Variants in NEK7 observed in about 807,000 individuals in gnomAD.
NEK7 encodes the protein NIMA related kinase 7, also known as serine/threonine-protein kinase Nek7.
In NEK7, 18 loss-of-function variants were observed where a neutral mutation model predicts 44.6. The observed-to-expected ratio is 0.40, with a 90% CI of 0.28 to 0.60. The LOEUF (loss-of-function observed/expected upper bound fraction) is 0.60. NEK7 is among the 20% of genes least tolerant of loss of function. The pLI is 0.38. For synonymous variants in NEK7, 130 were observed against 121.1 expected (o/e 1.07, Z -0.48); for missense variants, 256 against 366.5 (o/e 0.70, Z 2.46).
chr1:198,159,465 T>C (rs1309732291), intron 1 of NEK7, among the ~76,000 whole-genome samples: 1 of 152,194 alleles, frequency 6.6e-6, no homozygotes, highest in Non-Finnish European at 1.5e-5. Flanking sequence ...TCCATGTGAC[T>C]GAGGCGGGTT....
chr1:198,180,032 A>G (rs955490252), intron 1 of NEK7, among the ~76,000 whole-genome samples: 1 of 152,158 alleles, frequency 6.6e-6, no homozygotes, highest in African/African-American at 2.4e-5. Context: ...TTGAGAAGAT[A>G]TCTGTGGAAA....
At chr1:198,228,794 A>G (rs1470205737) in intron 1 of NEK7, among the ~76,000 whole-genome samples, 2 of 152,208 alleles carry the variant, frequency 1.3e-5, no homozygotes, top group Non-Finnish European at 2.9e-5. Flanking sequence ...TTCTAGATAT[A>G]CAATCATGTC....
At chr1:198,194,930 C>T (rs180801137) in intron 1 of NEK7, among the ~76,000 whole-genome samples, 261 of 152,214 alleles carry the variant, frequency 1.7e-3, no homozygotes, top group Middle Eastern at 6.8e-3. Flanking sequence ...ACACTTCCAC[C>T]GACAGTGTAT....
chr1:198,267,444 T>G (rs1653691412), intron 5 of NEK7, among the ~76,000 whole-genome samples: 1 of 152,062 alleles, frequency 6.6e-6, no homozygotes, highest in South Asian at 2.1e-4. Flanking sequence ...TTATTTTATT[T>G]ATTTAATTAA....
chr1:198,163,091 T>G (rs1249178883), intron 1 of NEK7, among the ~76,000 whole-genome samples: 1 of 152,194 alleles, frequency 6.6e-6, no homozygotes, highest in Non-Finnish European at 1.5e-5. Flanking sequence ...CCTTATATTA[T>G]GGTTGGAAAA....
At position 198,319,792 on chromosome 1, in the gene NEK7, A is replaced by G. The variant is rs1463559592; in HGVS notation, c.*270A>G. The stretch of plus-strand genomic sequence containing the variant: ...TGGCTAAAGGTTTATAGAATTTCTT[A>G]CAGTTTTCTGCTGATAAATTGTGTT... On this transcript the variant is annotated 3_prime_UTR_variant, in exon 10 of 10. Transcript: ENST00000367385. The G allele has an allele frequency of 1.8e-5, 5 of 277,436 alleles. No homozygotes were observed. The highest frequency in any genetic ancestry group is 3.4e-5 in the Non-Finnish European group (5 of 147,140). 17.2% of individuals were successfully genotyped at this position (277,436 alleles called of 1,614,324 possible). A position where few individuals can be genotyped will look rare whatever the true frequency, so the allele number is the denominator to read the frequency against.
At chr1:198,314,754 G>A (rs1156781991) in intron 9 of NEK7, among the ~76,000 whole-genome samples, 5 of 152,208 alleles carry the variant, frequency 3.3e-5, no homozygotes, top group Non-Finnish European at 7.3e-5. Context: ...CAGGGGTCAG[G>A]GGTCAGAGAC....
Position 198,316,116 on chromosome 1 carries a change from C to T in NEK7, c.799-3296C>T, listed in dbSNP as rs547973774. On this transcript the variant is annotated intron_variant, in intron 9 of 9. Coordinates refer to ENST00000367385, the MANE Select transcript of NEK7 (RefSeq NM_133494.3). ...ACGTCAGGGAAGAGAAGGTCTAGGC[C>T]GGAATTGAATGATGTAAATCCAAAA... Among the ~76,000 whole-genome samples the T allele has an allele frequency of 2.1e-4, 32 of 152,142 alleles. No individual in the cohort carries two copies. The South Asian group carries it at 3.7e-3, about 18-fold the overall frequency.
At chr1:198,274,695 T>A (rs1653962712) in intron 5 of NEK7, among the ~76,000 whole-genome samples, 1 of 151,730 alleles carries the variant, frequency 6.6e-6, no homozygotes, top group East Asian at 1.9e-4. Context: ...CTACTTGGAG[T>A]TGTAATGTCT....
intron 9 of NEK7, among the ~76,000 whole-genome samples, chr1:198,305,490 T>TG (rs1349782824): frequency 2.0e-5 from 3 of 151,766 alleles, no homozygotes; most frequent in African/African-American, 7.3e-5. Flanking sequence ...ATTTGATATC[T>TG]GGAAAAAAAA....
intron 7 of NEK7, among the ~76,000 whole-genome samples, chr1:198,289,872 T>G (rs1443289983): frequency 6.6e-6 from 1 of 152,174 alleles, no homozygotes; most frequent in African/African-American, 2.4e-5. Context: ...ATTTATTGTT[T>G]ATGGAGTATA....
chr1:198,286,701 T>C (rs1274947346), intron 7 of NEK7, among the ~76,000 whole-genome samples: 1 of 152,204 alleles, frequency 6.6e-6, no homozygotes, highest in African/African-American at 2.4e-5. Flanking sequence ...ATCTGTAGGA[T>C]TGCAGGACTT....
At chr1:198,212,184 T>A (rs1226844697) in intron 1 of NEK7, among the ~76,000 whole-genome samples, 2 of 152,102 alleles carry the variant, frequency 1.3e-5, no homozygotes, top group African/African-American at 4.8e-5. Flanking sequence ...CAACTGAGAT[T>A]TGTGTAGGGA....
chr1:198,226,760 G>C (rs1417192656), intron 1 of NEK7, among the ~76,000 whole-genome samples: 2 of 151,790 alleles, frequency 1.3e-5, no homozygotes, highest in African/African-American at 4.8e-5. Context: ...AACTTCTCCT[G>C]CCCTTTCACC....
intron 2 of NEK7, among the ~76,000 whole-genome samples, chr1:198,246,195 A>T (rs781488304): frequency 1.3e-5 from 2 of 151,920 alleles, no homozygotes; most frequent in Non-Finnish European, 2.9e-5. Flanking sequence ...CCTAAAGGAG[A>T]CCTCCTCTTA....
chr1:198,235,507 G>A (rs1666523597), intron 2 of NEK7, among the ~76,000 whole-genome samples: 1 of 151,982 alleles, frequency 6.6e-6, no homozygotes, highest in Non-Finnish European at 1.5e-5. Flanking sequence ...TGGAACAGTG[G>A]ATTTAGCTTT....
chr1:198,269,211 A>G (rs1653759914), intron 5 of NEK7, among the ~76,000 whole-genome samples: 1 of 152,088 alleles, frequency 6.6e-6, no homozygotes, highest in African/African-American at 2.4e-5. Flanking sequence ...TAGTGAATAG[A>G]TGTATAGAAG....
chr1:198,237,108 T>G (rs1282727727), intron 2 of NEK7, among the ~76,000 whole-genome samples: 1 of 152,166 alleles, frequency 6.6e-6, no homozygotes, highest in Non-Finnish European at 1.5e-5. Context: ...CTTTGAAACC[T>G]ATTCTTCACT....
chr1:198,225,255 C>CAAAAAAA (rs34192199), intron 1 of NEK7, among the ~76,000 whole-genome samples: 11 of 133,130 alleles, frequency 8.3e-5, no homozygotes, highest in Non-Finnish European at 1.0e-4. Context: ...GTGTAGGTTA[C>CAAAAAAA]AAAAAAAAAA....
Sources: gnomAD v4.1 joint callset for allele counts (sites outside exome capture counted in the v4.1 genomes callset) on GRCh38, gnomAD v4.1.1 for gene constraint, MANE v1.5 for transcripts, NCBI Gene and HGNC (gene_info 2026-07-23, HGNC 2026-07-21) for gene names.